GLIS3: variants seen among roughly 807,000 people sequenced by gnomAD.
GLIS3 encodes GLIS family zinc finger 3.
A neutral mutation model predicts 78.6 loss-of-function variants in GLIS3; 53 were observed. The observed-to-expected ratio is 0.67, with a 90% CI of 0.54 to 0.85. GLIS3 has a LOEUF of 0.85. Among genes scored for constraint, GLIS3 ranks in the 40% least tolerant of loss-of-function variants. The pLI, the probability that GLIS3 is intolerant of heterozygous loss-of-function variation, is 0.00. For synonymous variants in GLIS3, 684 were observed against 509.9 expected (o/e 1.34, Z -4.60); for missense variants, 1,703 against 1,231.1 (o/e 1.38, Z -5.74).
chr9:3,828,138 A>G lies in GLIS3; in HGVS notation c.*134T>C, dbSNP rs1817824045. ...CTCTGCCATTCAGTCCTGCCTTCTGAAAGAACATCAGTAACTCTGCAGGGC... is the reference window on the plus strand; with the variant it reads ...CTCTGCCATTCAGTCCTGCCTTCTGGAAGAACATCAGTAACTCTGCAGGGC... On this transcript the variant is annotated 3_prime_UTR_variant, in exon 11 of 11. Coordinates refer to ENST00000381971, the MANE Select transcript of GLIS3 (RefSeq NM_001042413.2). The G allele has an allele frequency of 9.9e-7, 1 of 1,013,350 alleles. No individual in the cohort carries two copies. The highest frequency in any genetic ancestry group is 1.5e-6 in the Non-Finnish European group (1 of 657,012). 62.8% of individuals were successfully genotyped at this position (1,013,350 alleles called of 1,614,324 possible).
rs149033296 is a variant in GLIS3, at chr9:4,075,967, T to A, written c.1710+41801A>T. ...CTTAGGCCCAGAGCCAACAGAAGGA[T>A]TGACTGCAAAGGAACACCTCACGAA... is the stretch of plus-strand genomic sequence containing the variant. On this transcript the variant is annotated intron_variant, in intron 4 of 10. Transcript: ENST00000381971. 6.6e-3 allele frequency among the ~76,000 whole-genome samples: 1,010 copies of A among 152,296 alleles called. 12 individuals are homozygous for A. Among genetic ancestry groups the A allele is most frequent in the African/African-American group, 0.023 (955 of 41,562 alleles).
At chr9:4,260,031 G>A (rs569190940) in intron 2 of GLIS3, among the ~76,000 whole-genome samples, 2 of 152,286 alleles carry the variant, frequency 1.3e-5, no homozygotes, top group South Asian at 4.1e-4. Flanking sequence ...GAGGGAGAAA[G>A]GAAAGAGAAT....
At chr9:4,204,753 A>T (rs1460812101) in intron 2 of GLIS3, among the ~76,000 whole-genome samples, 3 of 152,036 alleles carry the variant, frequency 2.0e-5, no homozygotes, top group African/African-American at 4.8e-5. Context: ...GTCTCTAGTA[A>T]AATACAAAAA....
At chr9:4,121,260 G>C (rs1340867154) in intron 3 of GLIS3, among the ~76,000 whole-genome samples, 2 of 152,156 alleles carry the variant, frequency 1.3e-5, no homozygotes, top group African/African-American at 4.8e-5. Context: ...CCCAGTGGAA[G>C]TTCTCTTCCC....
intron 8 of GLIS3, among the ~76,000 whole-genome samples, chr9:3,879,103 C>G (rs1172694861): frequency 6.6e-6 from 1 of 152,026 alleles, no homozygotes; most frequent in Non-Finnish European, 1.5e-5. Context: ...AGTGCTTCGA[C>G]CTGCATATAC....
intron 4 of GLIS3, among the ~76,000 whole-genome samples, chr9:4,066,986 C>T (rs1331333781): frequency 1.3e-5 from 2 of 152,170 alleles, no homozygotes; most frequent in African/African-American, 2.4e-5. Flanking sequence ...ACCTGTCCAC[C>T]ACACAGTGAC....
intron 4 of GLIS3, 103 bp downstream of exon 4, chr9:4,117,665 C>G: frequency 7.8e-7 from 1 of 1,285,002 alleles, no homozygotes; most frequent in South Asian, 1.2e-5. Context: ...ATACCTAGAC[C>G]CCCACGCATG....
At chr9:4,206,368 G>A (rs1819880449) in intron 2 of GLIS3, among the ~76,000 whole-genome samples, 1 of 152,186 alleles carries the variant, frequency 6.6e-6, no homozygotes, top group Admixed American at 6.5e-5. Context: ...TCACCAAATT[G>A]CAGTATATGA....
the GLIS3 span, among the ~76,000 whole-genome samples, chr9:4,413,471 T>C: frequency 1.3e-5 from 2 of 152,176 alleles, no homozygotes; most frequent in Non-Finnish European, 2.9e-5. Flanking sequence ...CATTTTGAAC[T>C]CTGGTTATTT....
intron 2 of GLIS3, among the ~76,000 whole-genome samples, chr9:4,270,669 A>G (rs10814906): frequency 0.22 from 33,482 of 152,166 alleles, 3,847 homozygotes; most frequent in Admixed American, 0.25. Context: ...GACAATAAAC[A>G]TAAGTCAAAC....
At chr9:4,338,307 C>T (rs1273911061) in intron 2 of GLIS3, among the ~76,000 whole-genome samples, 1 of 151,722 alleles carries the variant, frequency 6.6e-6, no homozygotes, top group Non-Finnish European at 1.5e-5. Flanking sequence ...ATGAGACTTT[C>T]TGGTAACAAA....
At chr9:4,206,927 C>G (rs1819932044) in intron 2 of GLIS3, among the ~76,000 whole-genome samples, 1 of 152,164 alleles carries the variant, frequency 6.6e-6, no homozygotes, top group African/African-American at 2.4e-5. Context: ...ATGATACTGA[C>G]AAACAACAAC....
At chr9:4,345,677 A>C (rs1221988633) in intron 2 of GLIS3, among the ~76,000 whole-genome samples, 1 of 152,218 alleles carries the variant, frequency 6.6e-6, no homozygotes, top group African/African-American at 2.4e-5. Context: ...TTTTCCCTCC[A>C]AACTCATTTT....
rs181638822 is a variant in GLIS3 at position 3,901,729 on chromosome 9, T to C, written c.1984-2894A>G. Among the ~76,000 whole-genome samples the C allele has an allele frequency of 3.3e-5, 5 of 152,306 alleles. No individual in the cohort carries two copies. In the East Asian group the frequency reaches 5.8e-4, roughly 18 times the overall value. On this transcript the variant is annotated intron_variant, in intron 6 of 10. Coordinates refer to ENST00000381971, the MANE Select transcript of GLIS3 (RefSeq NM_001042413.2). ...CACAGGTAGTGACTGAGACATCACT[T>C]TGTTGTAATTTCCTCAGCTGTGGCA...
intron 2 of GLIS3, among the ~76,000 whole-genome samples, chr9:4,196,171 G>T (rs1334429420): frequency 6.6e-6 from 1 of 151,992 alleles, no homozygotes; most frequent in African/African-American, 2.4e-5. Context: ...ATGTCTAGGA[G>T]AACTTTCATG....
intron 4 of GLIS3, among the ~76,000 whole-genome samples, chr9:4,070,106 T>C (rs1238217752): frequency 6.6e-6 from 1 of 152,256 alleles, no homozygotes; most frequent in African/African-American, 2.4e-5. Context: ...ATATATATAA[T>C]ATATGACTTC....
At chr9:4,132,076 CAT>C (rs1191036321) in intron 2 of GLIS3, among the ~76,000 whole-genome samples, 5 of 150,194 alleles carry the variant, frequency 3.3e-5, no homozygotes, top group Non-Finnish European at 7.4e-5. Flanking sequence ...CAAAAAACCA[CAT>C]GTCATCACAG....
intron 6 of GLIS3, among the ~76,000 whole-genome samples, chr9:3,911,190 G>A (rs887956964): frequency 6.6e-6 from 1 of 151,320 alleles, no homozygotes; most frequent in African/African-American, 2.4e-5. Flanking sequence ...CCCAAACTAC[G>A]CTAGGCCCAG....
At chr9:4,437,440 C>G in the GLIS3 span, among the ~76,000 whole-genome samples, 4,102 of 148,672 alleles carry the variant, frequency 0.028, 103 homozygotes, top group African/African-American at 0.051. Flanking sequence ...ATCTATCTAT[C>G]TATCTATCTA....
Sources: gnomAD v4.1 joint callset for allele counts (sites outside exome capture counted in the v4.1 genomes callset) on GRCh38, gnomAD v4.1.1 for gene constraint, MANE v1.5 for transcripts, NCBI Gene and HGNC (gene_info 2026-07-23, HGNC 2026-07-21) for gene names.